The following AGMO variants were observed in gnomAD, a reference collection of about 807,000 sequenced individuals.
AGMO encodes alkylglycerol monooxygenase.
Under a neutral mutation model 60.2 loss-of-function variants are expected in AGMO, and 75 were observed. That is an observed-to-expected ratio of 1.25 (90% CI 1.03 to 1.51). The LOEUF (loss-of-function observed/expected upper bound fraction) is 1.51, where lower values mean the gene tolerates loss of function less well. Among genes scored for constraint, AGMO ranks in the 40% most tolerant of loss-of-function variants. The pLI is 0.00. For missense variants in AGMO, 763 were observed against 525.5 expected (o/e 1.45, Z -4.42); for synonymous variants, 261 against 177.1 (o/e 1.47, Z -3.76).
At chr7:15,489,256 T>C (rs1395858565) in intron 3 of AGMO, among the ~76,000 whole-genome samples, 5 of 152,134 alleles carry the variant, frequency 3.3e-5, no homozygotes, top group South Asian at 2.1e-4. Flanking sequence ...GAGCCCTTTA[T>C]GGGGGCAGGG....
chr7:15,181,287 C>T, the AGMO span, among the ~76,000 whole-genome samples: 1 of 152,120 alleles, frequency 6.6e-6, no homozygotes, highest in Non-Finnish European at 1.5e-5. Flanking sequence ...AGAGGTCTTT[C>T]ACATAAAATT....
At chr7:15,335,891 A>C (rs910620042) in intron 12 of AGMO, among the ~76,000 whole-genome samples, 6 of 152,154 alleles carry the variant, frequency 3.9e-5, no homozygotes, top group Non-Finnish European at 8.8e-5. Flanking sequence ...ATCACACTAA[A>C]CCAAATGTAG....
intron 3 of AGMO, among the ~76,000 whole-genome samples, chr7:15,461,691 C>T (rs1055399865): frequency 2.0e-5 from 3 of 152,060 alleles, no homozygotes; most frequent in African/African-American, 7.2e-5. Flanking sequence ...AGAAGGAAAG[C>T]ACACTCAGTA....
intron 10 of AGMO, among the ~76,000 whole-genome samples, chr7:15,383,138 G>C (rs933328772): frequency 8.6e-5 from 13 of 151,888 alleles, no homozygotes; most frequent in African/African-American, 3.1e-4. Context: ...GATAAACTAA[G>C]CCACAACATC....
At chr7:15,382,081 AGAT>A (rs1408657480) in intron 10 of AGMO, among the ~76,000 whole-genome samples, 6 of 152,228 alleles carry the variant, frequency 3.9e-5, no homozygotes, top group African/African-American at 1.4e-4. Context: ...CTTAATACCT[AGAT>A]GATAAAATAA....
the AGMO span, among the ~76,000 whole-genome samples, chr7:15,193,255 TTC>T: frequency 1.4e-5 from 2 of 139,116 alleles, no homozygotes; most frequent in East Asian, 2.1e-4. Context: ...TTTCTAATTT[TTC>T]TCTTATTAAG....
At chr7:15,294,319 T>C (rs572445844) in intron 12 of AGMO, among the ~76,000 whole-genome samples, 2 of 152,104 alleles carry the variant, frequency 1.3e-5, no homozygotes, top group African/African-American at 4.8e-5. Flanking sequence ...AATACAGATA[T>C]ATCTCCTAAT....
chr7:15,500,271 C>G (rs1783347209), intron 3 of AGMO, among the ~76,000 whole-genome samples: 1 of 151,744 alleles, frequency 6.6e-6, no homozygotes, highest in African/African-American at 2.4e-5. Flanking sequence ...CTGTCCCAGT[C>G]AGGGAATATT....
At chr7:15,292,854 T>A (rs1248022302) in intron 12 of AGMO, among the ~76,000 whole-genome samples, 1 of 146,636 alleles carries the variant, frequency 6.8e-6, no homozygotes, top group Non-Finnish European at 1.5e-5. Flanking sequence ...GCCTCCCAGG[T>A]TCAAGTGATT....
At chr7:15,552,868 A>G (rs1017928070) in intron 2 of AGMO, among the ~76,000 whole-genome samples, 2 of 149,802 alleles carry the variant, frequency 1.3e-5, no homozygotes, top group Non-Finnish European at 3.0e-5. Context: ...AGACACATGC[A>G]CACGTATGTT....
chr7:15,182,342 T>G, the AGMO span, among the ~76,000 whole-genome samples: 1 of 152,210 alleles, frequency 6.6e-6, no homozygotes, highest in Admixed American at 6.5e-5. Context: ...TACAAATGGT[T>G]CGAATGATAA....
the AGMO span, among the ~76,000 whole-genome samples, chr7:15,151,558 G>A: frequency 1.3e-4 from 20 of 152,084 alleles, no homozygotes; most frequent in Middle Eastern, 3.4e-3. Flanking sequence ...TAATTTAATT[G>A]TTTATGCAAA....
chr7:15,385,632 A>G (rs935309265), intron 9 of AGMO, 70 bp from the exon 10 acceptor site: 11 of 863,772 alleles, frequency 1.3e-5, no homozygotes, highest in Non-Finnish European at 2.1e-5. Flanking sequence ...TCACACTAAG[A>G]GATATTTGAA....
chr7:15,445,976 C>T (rs1781688157), intron 3 of AGMO, among the ~76,000 whole-genome samples: 1 of 152,114 alleles, frequency 6.6e-6, no homozygotes, highest in Admixed American at 6.5e-5. Flanking sequence ...CCTTGGAGTA[C>T]CATTTTGTAT....
At chr7:15,193,019 G>C in the AGMO span, among the ~76,000 whole-genome samples, 1 of 152,146 alleles carries the variant, frequency 6.6e-6, no homozygotes, top group East Asian at 1.9e-4. Context: ...TAGCATGCCA[G>C]TGGCATTTTT....
intron 3 of AGMO, among the ~76,000 whole-genome samples, chr7:15,464,032 T>C (rs1449066652): frequency 6.6e-5 from 10 of 152,220 alleles, no homozygotes; most frequent in Admixed American, 6.5e-4. Flanking sequence ...CCAATCTCTT[T>C]CAATAATATT....
At chr7:15,237,820 T>C (rs1782472776) in intron 12 of AGMO, among the ~76,000 whole-genome samples, 1 of 152,136 alleles carries the variant, frequency 6.6e-6, no homozygotes, top group South Asian at 2.1e-4. Context: ...TCTCTTCTTA[T>C]GTTAGAAAAC....
chr7:15,546,230 G>T (rs946507670), intron 2 of AGMO, among the ~76,000 whole-genome samples: 1 of 152,048 alleles, frequency 6.6e-6, no homozygotes, highest in Non-Finnish European at 1.5e-5. Flanking sequence ...ACACTAGACT[G>T]TCTTATAACA....
chr7:15,201,651 C>T (rs191622343), intron 12 of AGMO, among the ~76,000 whole-genome samples: 1 of 152,208 alleles, frequency 6.6e-6, no homozygotes, highest in Non-Finnish European at 1.5e-5. Context: ...GATATTCAGA[C>T]ATTTCTTCTG....
Sources: gnomAD v4.1 joint callset for allele counts (sites outside exome capture counted in the v4.1 genomes callset) on GRCh38, gnomAD v4.1.1 for gene constraint, MANE v1.5 for transcripts, NCBI Gene and HGNC (gene_info 2026-07-23, HGNC 2026-07-21) for gene names.